FRMD4A: variants seen among roughly 807,000 people sequenced by gnomAD.
The protein encoded by FRMD4A is FERM domain-containing protein 4A.
FRMD4A carries 29 observed loss-of-function variants against 129.1 expected under a neutral mutation model. The ratio of observed to expected loss-of-function variants is 0.22; its 90% CI spans 0.17 to 0.31. FRMD4A has a LOEUF of 0.31. FRMD4A is among the 10% of genes least tolerant of loss of function. FRMD4A has a pLI of 1.00. For synonymous variants in FRMD4A, 634 were observed against 571.6 expected, an observed-to-expected ratio of 1.11 and a Z score of -1.56; for missense variants, 1,272 against 1,375.8, an observed-to-expected ratio of 0.92 and a Z score of 1.19.
intron 2 of FRMD4A, among the ~76,000 whole-genome samples, chr10:14,127,956 TTCTTTCTTTCTTTCTTTCTTTCCTTC>T (rs1424223801): frequency 4.0e-3 from 111 of 27,546 alleles, no homozygotes; most frequent in African/African-American, 0.022. Flanking sequence ...CTTTCTTTCT[TTCTTTCTTTCTTTCTTTCTTTCCTTC>T]TCTCTCTCTC....
chr10:13,667,060 T>G (rs2083109795), intron 17 of FRMD4A, among the ~76,000 whole-genome samples: 1 of 152,124 alleles, frequency 6.6e-6, no homozygotes, highest in African/African-American at 2.4e-5. Flanking sequence ...TACAGGCACC[T>G]GCCACCACAC....
intron 2 of FRMD4A, among the ~76,000 whole-genome samples, chr10:14,130,684 T>C (rs756121640): frequency 3.3e-5 from 5 of 152,184 alleles, no homozygotes; most frequent in Non-Finnish European, 7.3e-5. Context: ...TGAAAAACGA[T>C]GTGATGATCA....
chr10:14,280,982 ATTTTTTTT>A lies in FRMD4A; in HGVS notation c.45+49068_45+49075del, dbSNP rs772555677. On this transcript the variant is annotated intron_variant, in intron 2 of 24. Transcript: ENST00000357447. ...CCCTGATCCAATCTGACTGGTTTCA[ATTTTTTTT>A]TTTTTTTTTTTTTTTTTTTGCAACG... is the stretch of plus-strand genomic sequence containing the variant. Among the ~76,000 whole-genome samples, 40 of 76,560 alleles carry A rather than the reference ATTTTTTTT, an allele frequency of 5.2e-4. No homozygotes were observed. The East Asian group carries it at 0.013, about 24-fold the overall frequency. The allele number at this position is 76,560 out of a possible 152,430, so 50.2% of individuals were successfully genotyped here. A position where few individuals can be genotyped will look rare whatever the true frequency, so the allele number is the denominator to read the frequency against.
intron 2 of FRMD4A, among the ~76,000 whole-genome samples, chr10:14,094,898 C>A (rs1288498035): frequency 6.6e-6 from 1 of 151,988 alleles, no homozygotes; most frequent in Non-Finnish European, 1.5e-5. Flanking sequence ...TATATCTATG[C>A]CTGTGTATGA....
At chr10:13,847,624 C>G (rs1044846040) in intron 3 of FRMD4A, among the ~76,000 whole-genome samples, 2 of 152,154 alleles carry the variant, frequency 1.3e-5, no homozygotes, top group African/African-American at 2.4e-5. Flanking sequence ...CCTGGATCCC[C>G]TTACAAGAAA....
At chr10:14,030,559 T>C (rs950331649) in intron 2 of FRMD4A, among the ~76,000 whole-genome samples, 1 of 152,364 alleles carries the variant, frequency 6.6e-6, no homozygotes, top group African/African-American at 2.4e-5. Flanking sequence ...AGATTGTTTG[T>C]TTGTTTAAGT....
chr10:14,240,819 C>T (rs1169292017), intron 2 of FRMD4A, among the ~76,000 whole-genome samples: 1 of 151,660 alleles, frequency 6.6e-6, no homozygotes, highest in African/African-American at 2.4e-5. Flanking sequence ...GGTTTCCAAA[C>T]TATGGTGTGT....
intron 2 of FRMD4A, among the ~76,000 whole-genome samples, chr10:14,097,922 A>T (rs999496305): frequency 1.4e-4 from 21 of 146,522 alleles, no homozygotes; most frequent in African/African-American, 4.9e-4. Flanking sequence ...TAAATTATAT[A>T]TAAAAATTGT....
chr10:13,848,176 C>T (rs1172378598), intron 3 of FRMD4A, among the ~76,000 whole-genome samples: 7 of 152,156 alleles, frequency 4.6e-5, no homozygotes, highest in Non-Finnish European at 8.8e-5. Flanking sequence ...CTCCCATCTG[C>T]ACAGAGTCTC....
At chr10:13,861,267 A>T (rs2094290948) in intron 2 of FRMD4A, among the ~76,000 whole-genome samples, 1 of 152,244 alleles carries the variant, frequency 6.6e-6, no homozygotes, top group African/African-American at 2.4e-5. Flanking sequence ...TAAACAAATA[A>T]CAAGAAAAGA....
At chr10:14,254,823 AG>A (rs983938304) in intron 2 of FRMD4A, among the ~76,000 whole-genome samples, 128 of 152,236 alleles carry the variant, frequency 8.4e-4, no homozygotes, top group African/African-American at 3.0e-3. Flanking sequence ...CTAGGTTTTA[AG>A]GGGAAGAGTA....
At chr10:13,794,391 CAAAAAA>C (rs5783349) in intron 5 of FRMD4A, among the ~76,000 whole-genome samples, 3 of 102,936 alleles carry the variant, frequency 2.9e-5, no homozygotes, top group Admixed American at 1.2e-4. Flanking sequence ...GAATCCGTCT[CAAAAAA>C]AAAAAAAAAA....
intron 2 of FRMD4A, among the ~76,000 whole-genome samples, chr10:14,025,860 A>G (rs2131653518): frequency 6.6e-6 from 1 of 152,230 alleles, no homozygotes; most frequent in South Asian, 2.1e-4. Context: ...CCTGTGTCGG[A>G]CTTTCTTCCC....
chr10:13,780,532 C>A (rs79446997), intron 6 of FRMD4A, among the ~76,000 whole-genome samples: 2,143 of 152,248 alleles, frequency 0.014, 96 homozygotes, highest in South Asian at 0.12. Flanking sequence ...CTTGAACAAA[C>A]ATTTTTGTAA....
chr10:13,718,380 G>C (rs1038273500), intron 12 of FRMD4A, among the ~76,000 whole-genome samples: 3 of 152,256 alleles, frequency 2.0e-5, no homozygotes, highest in African/African-American at 7.2e-5. Flanking sequence ...CGGTGGGCCT[G>C]CCCCGCTCCA....
At chr10:13,978,970 T>C (rs2095551487) in intron 2 of FRMD4A, among the ~76,000 whole-genome samples, 1 of 152,058 alleles carries the variant, frequency 6.6e-6, no homozygotes, top group African/African-American at 2.4e-5. Context: ...CATCTATCAA[T>C]TACCCCTTAG....
At chr10:13,699,369 G>C (rs1020625973) in intron 14 of FRMD4A, among the ~76,000 whole-genome samples, 1 of 151,788 alleles carries the variant, frequency 6.6e-6, no homozygotes, top group African/African-American at 2.4e-5. Flanking sequence ...GAGCCATGGC[G>C]GCCGGCCAAT....
intron 2 of FRMD4A, among the ~76,000 whole-genome samples, chr10:13,878,788 GAAA>G (rs2094515898): frequency 9.3e-6 from 1 of 108,006 alleles, no homozygotes; most frequent in African/African-American, 3.7e-5. Context: ...GAGAGAGAGA[GAAA>G]GAGAGAAGGA....
intron 2 of FRMD4A, among the ~76,000 whole-genome samples, chr10:14,110,125 TAAAA>T (rs1554761010): frequency 5.6e-5 from 5 of 89,554 alleles, no homozygotes; most frequent in East Asian, 3.5e-4. Flanking sequence ...CGAGATGCTG[TAAAA>T]AAAAAAAAAA....
Sources: allele counts gnomAD v4.1 joint callset (sites outside exome capture counted in the v4.1 genomes callset), GRCh38; gene constraint gnomAD v4.1.1; transcripts MANE v1.5; gene names NCBI Gene and HGNC (gene_info 2026-07-23, HGNC 2026-07-21).